GMPS: variants seen among roughly 807,000 people sequenced by gnomAD.
GMPS encodes the protein GMP synthase [glutamine-hydrolyzing].
Under a neutral mutation model 77.9 loss-of-function variants are expected in GMPS, and 15 were observed. The ratio of observed to expected loss-of-function variants is 0.19; its 90% CI spans 0.13 to 0.30. The LOEUF is 0.30. Among genes scored for constraint, GMPS ranks in the 10% least tolerant of loss-of-function variants. GMPS has a pLI of 1.00. For synonymous variants in GMPS, 224 were observed against 275.9 expected, an observed-to-expected ratio of 0.81 and a Z score of 1.86; for missense variants, 590 against 838.8, an observed-to-expected ratio of 0.70 and a Z score of 3.66.
intron 1 of GMPS, among the ~76,000 whole-genome samples, chr3:155,881,537 A>G (rs1188659419): frequency 2.6e-5 from 4 of 152,188 alleles, no homozygotes; most frequent in African/African-American, 9.7e-5. Flanking sequence ...GCATATGATG[A>G]TACTAATTTT....
At chr3:155,874,048 C>T (rs539322261) in intron 1 of GMPS, among the ~76,000 whole-genome samples, 2 of 152,286 alleles carry the variant, frequency 1.3e-5, no homozygotes, top group African/African-American at 4.8e-5. Context: ...CTACCCTTTC[C>T]CCCTGAGTCT....
chr3:155,903,389 C>T lies in GMPS; in HGVS notation c.325-474C>T, dbSNP rs142580739. Reference sequence around the variant, plus strand: ...TATCCCATCTCTATAGCACAGCCTTCGGCAGGCTTTCAGACTGTTCCTTTG... The same window carrying T: ...TATCCCATCTCTATAGCACAGCCTTTGGCAGGCTTTCAGACTGTTCCTTTG... On this transcript the variant is annotated intron_variant, in intron 3 of 15. Coordinates refer to ENST00000496455, the MANE Select transcript of GMPS (RefSeq NM_003875.3). Among the ~76,000 whole-genome samples, 17 of 152,336 alleles carry T rather than the reference C, an allele frequency of 1.1e-4. No homozygotes were observed. The South Asian group carries it at 3.3e-3, about 30-fold the overall frequency.
At chr3:155,902,610 G>A (rs1754760647) in intron 3 of GMPS, among the ~76,000 whole-genome samples, 1 of 152,200 alleles carries the variant, frequency 6.6e-6, no homozygotes, top group African/African-American at 2.4e-5. Flanking sequence ...AGTAGGGCCT[G>A]CAGAGGCCAA....
intron 8 of GMPS, among the ~76,000 whole-genome samples, chr3:155,915,363 G>T (rs1172153359): frequency 6.6e-6 from 1 of 150,398 alleles, no homozygotes; most frequent in Non-Finnish European, 1.5e-5. Context: ...TCAGCCTCCC[G>T]AGTAGCTGGG....
chr3:155,897,325 A>G (rs1754627420), intron 2 of GMPS, among the ~76,000 whole-genome samples: 1 of 152,172 alleles, frequency 6.6e-6, no homozygotes, highest in African/African-American at 2.4e-5. Flanking sequence ...AGATAGCTAA[A>G]TTATACTACT....
chr3:155,895,182 A>C (rs1754572203), intron 2 of GMPS, among the ~76,000 whole-genome samples: 1 of 152,222 alleles, frequency 6.6e-6, no homozygotes, highest in Non-Finnish European at 1.5e-5. Flanking sequence ...GTAGTAGGAG[A>C]ATAGAAACTA....
At chr3:155,923,063 A>AG in intron 11 of GMPS, among the ~76,000 whole-genome samples, 1 of 152,318 alleles carries the variant, frequency 6.6e-6, no homozygotes, top group East Asian at 1.9e-4. Flanking sequence ...AAAGGAAAAA[A>AG]CTGTCAGAAC....
chr3:155,909,502 A>G (rs60579449), intron 5 of GMPS, among the ~76,000 whole-genome samples: 1,681 of 152,344 alleles, frequency 0.011, 41 homozygotes, highest in African/African-American at 0.039. Context: ...AACAATCTCT[A>G]TGTGGGACTT....
At chr3:155,916,703 T>C (rs989633538) in intron 9 of GMPS, among the ~76,000 whole-genome samples, 1 of 152,218 alleles carries the variant, frequency 6.6e-6, no homozygotes. Flanking sequence ...ACTTTTTGGC[T>C]GTTATAAGTA....
upstream of GMPS, among the ~76,000 whole-genome samples, chr3:155,870,220 A>G (rs1192186597): frequency 6.6e-6 from 1 of 152,242 alleles, no homozygotes; most frequent in East Asian, 1.9e-4. Context: ...AGATAAGGCC[A>G]CGCCACCGGC....
chr3:155,917,231 C>A (rs1365519183), intron 9 of GMPS, among the ~76,000 whole-genome samples: 3 of 152,154 alleles, frequency 2.0e-5, no homozygotes, highest in African/African-American at 7.2e-5. Context: ...CCTCTGCCTC[C>A]CAAAGTGCTG....
At chr3:155,905,976 A>G (rs1481179662) in intron 4 of GMPS, among the ~76,000 whole-genome samples, 184 bp from the exon 5 acceptor site, 2 of 151,764 alleles carry the variant, frequency 1.3e-5, no homozygotes, top group Middle Eastern at 3.4e-3. Context: ...TTTAAGGTCT[A>G]AGGTTTTTTA....
At position 155,898,058 on chromosome 3, in the gene GMPS, G is replaced by GT. The variant is rs1307934532; in HGVS notation, c.324+21dup. Reference sequence around the variant, plus strand: ...GGTATGCAGGTATGTCAGCAAATTTGTTTTGAAAGCTTACTTATATTTTAT... The same window carrying GT: ...GGTATGCAGGTATGTCAGCAAATTTGTTTTTGAAAGCTTACTTATATTTTAT... On this transcript the variant is annotated intron_variant, in intron 3 of 15. Coordinates refer to ENST00000496455, the MANE Select transcript of GMPS (RefSeq NM_003875.3). The GT allele has an allele frequency of 8.4e-7, 1 of 1,196,150 alleles. No homozygotes were observed. The highest frequency in any genetic ancestry group is 1.3e-6 in the Non-Finnish European group (1 of 798,514). The allele number at this position is 1,196,150 out of a possible 1,614,324, so 74.1% of individuals were successfully genotyped here.
Position 155,942,860 on chromosome 3 carries a change from G to A in GMPS, c.*5168G>A, listed in dbSNP as rs1755926485. On this transcript the variant is annotated 3_prime_UTR_variant, in exon 16 of 16. Coordinates refer to ENST00000496455, the MANE Select transcript of GMPS (RefSeq NM_003875.3). Reference sequence around the variant, plus strand: ...TGTCATTTGGGTATTATTCTTTAGAGAACTAGAGATTACCTAGCTGCAACC... The same window carrying A: ...TGTCATTTGGGTATTATTCTTTAGAAAACTAGAGATTACCTAGCTGCAACC... The A allele has an allele frequency of 9.6e-6, 2 of 209,292 alleles. No individual in the cohort carries two copies. The highest frequency in any genetic ancestry group is 3.8e-4 in the South Asian group (2 of 5,312). The allele number at this position is 209,292 out of a possible 1,614,324, so 13.0% of individuals were successfully genotyped here.
chr3:155,874,032 C>G (rs556833268), intron 1 of GMPS, among the ~76,000 whole-genome samples: 3 of 152,180 alleles, frequency 2.0e-5, no homozygotes, highest in African/African-American at 7.2e-5. Flanking sequence ...ATCCCTCACC[C>G]GCTTCCTACC....
chr3:155,878,244 A>G (rs1754107013), intron 1 of GMPS, among the ~76,000 whole-genome samples: 1 of 152,192 alleles, frequency 6.6e-6, no homozygotes, highest in African/African-American at 2.4e-5. Context: ...TATTTTGGAC[A>G]TTTTGTGACT....
chr3:155,906,067 C>A, intron 4 of GMPS, 93 bp from the exon 5 acceptor site: 1 of 605,458 alleles, frequency 1.7e-6, no homozygotes, highest in Non-Finnish European at 2.8e-6. Flanking sequence ...TTTTTCTAAT[C>A]ATGTATGGCA....
upstream of GMPS, chr3:155,870,588 C>G (rs1486773811): frequency 2.6e-6 from 1 of 390,568 alleles, no homozygotes; most frequent in African/African-American, 2.1e-5. Context: ...GCTCGGCTGC[C>G]AAGCCGAACG....
intron 10 of GMPS, among the ~76,000 whole-genome samples, chr3:155,920,683 A>G (rs1395440679): frequency 6.6e-6 from 1 of 151,532 alleles, no homozygotes; most frequent in Admixed American, 6.6e-5. Flanking sequence ...GACTCACTTG[A>G]TGTTTTAAAA....
Sources: allele counts gnomAD v4.1 joint callset (sites outside exome capture counted in the v4.1 genomes callset), GRCh38; gene constraint gnomAD v4.1.1; transcripts MANE v1.5; gene names NCBI Gene and HGNC (gene_info 2026-07-23, HGNC 2026-07-21).